Variants in CDH13 observed in about 807,000 individuals in gnomAD.
CDH13 encodes cadherin 13.
Under a neutral mutation model 63.8 loss-of-function variants are expected in CDH13, and 24 were observed. The observed-to-expected ratio is 0.38, with a 90% confidence interval of 0.27 to 0.53. The LOEUF (loss-of-function observed/expected upper bound fraction) is 0.53, where lower values mean the gene tolerates loss of function less well. Among genes scored for constraint, CDH13 ranks in the 20% least tolerant of loss-of-function variants. The pLI, the probability that CDH13 is intolerant of heterozygous loss-of-function variation, is 0.85. For missense variants in CDH13, 1,049 were observed against 903.1 expected, an observed-to-expected ratio of 1.16 and a Z score of -2.07; for synonymous variants, 503 against 355.3, an observed-to-expected ratio of 1.42 and a Z score of -4.67.
chr16:82,858,504 A>T (rs1283369434), intron 2 of CDH13, 31 bp downstream of exon 2: 2 of 1,259,530 alleles, frequency 1.6e-6, no homozygotes, highest in Non-Finnish European at 2.3e-6. Context: ...ATGCTTTTAG[A>T]CTCTTCTCAT....
At chr16:83,090,117 A>C (rs1334274116) in intron 3 of CDH13, among the ~76,000 whole-genome samples, 3 of 152,126 alleles carry the variant, frequency 2.0e-5, no homozygotes, top group Non-Finnish European at 4.4e-5. Context: ...AACCCCACCC[A>C]CAAAAGCCTA....
chr16:83,170,052 T>C (rs1449387223), intron 4 of CDH13, among the ~76,000 whole-genome samples: 2 of 152,102 alleles, frequency 1.3e-5, no homozygotes, highest in Non-Finnish European at 2.9e-5. Context: ...ATTCTTTTTC[T>C]GGTTTTGTCA....
chr16:83,412,943 T>G (rs1345709315), intron 6 of CDH13, among the ~76,000 whole-genome samples: 3 of 152,242 alleles, frequency 2.0e-5, no homozygotes, highest in East Asian at 1.9e-4. Flanking sequence ...GTATTACCAT[T>G]AGACGTAATT....
chr16:82,786,550 C>G (rs1279021089), intron 1 of CDH13, among the ~76,000 whole-genome samples: 1 of 148,838 alleles, frequency 6.7e-6, no homozygotes, highest in African/African-American at 2.5e-5. Context: ...TACATGTGCA[C>G]AATGTGCAGG....
chr16:83,310,054 G>A (rs1449437136), intron 5 of CDH13, among the ~76,000 whole-genome samples: 1 of 152,024 alleles, frequency 6.6e-6, no homozygotes, highest in African/African-American at 2.4e-5. Context: ...TAATAATTCC[G>A]ACATACTTCT....
intron 7 of CDH13, among the ~76,000 whole-genome samples, chr16:83,543,278 TG>T (rs2075326221): frequency 6.6e-6 from 1 of 152,256 alleles, no homozygotes; most frequent in African/African-American, 2.4e-5. Context: ...TGAACATAGC[TG>T]TCACTCCTCA....
chr16:82,857,806 C>T (rs1223814054), intron 1 of CDH13, among the ~76,000 whole-genome samples: 2 of 151,844 alleles, frequency 1.3e-5, no homozygotes, highest in Admixed American at 6.6e-5. Flanking sequence ...CATTGAAATC[C>T]AGTGTGTATT....
At chr16:82,867,786 T>C (rs1322248869) in intron 2 of CDH13, among the ~76,000 whole-genome samples, 2 of 152,220 alleles carry the variant, frequency 1.3e-5, no homozygotes, top group African/African-American at 4.8e-5. Context: ...AAAGGCTCTT[T>C]TGACCCTGCT....
At chr16:83,486,854 C>T (rs912753867) in intron 7 of CDH13, among the ~76,000 whole-genome samples, 199 bp downstream of exon 7, 2 of 152,114 alleles carry the variant, frequency 1.3e-5, no homozygotes, top group African/African-American at 4.8e-5. Flanking sequence ...CTCTAAAAGG[C>T]TAAAGCGCCT....
chr16:83,714,586 G>C lies in CDH13; in HGVS notation c.1539-33522G>C, dbSNP rs868248114. Among the ~76,000 whole-genome samples the C allele has an allele frequency of 3.3e-5, 5 of 152,212 alleles. No homozygotes were observed. The South Asian group carries it at 6.2e-4, about 19-fold the overall frequency. The stretch of plus-strand genomic sequence containing the variant: ...GCTAAAGACTTTTACCTATTGACTT[G>C]GATTCTCAGCTATCAGTAGGAGGGA... On this transcript the variant is annotated intron_variant, in intron 10 of 13. Coordinates refer to ENST00000567109, the MANE Select transcript of CDH13 (RefSeq NM_001257.5).
chr16:83,750,245 G>A (rs148874591), intron 11 of CDH13, among the ~76,000 whole-genome samples: 3,713 of 152,078 alleles, frequency 0.024, 85 homozygotes, highest in African/African-American at 0.057. Context: ...GCAGTGAGCC[G>A]AGATTATGCC....
chr16:83,606,614 C>G (rs1258922081), intron 8 of CDH13, among the ~76,000 whole-genome samples: 1 of 151,662 alleles, frequency 6.6e-6, no homozygotes, highest in African/African-American at 2.4e-5. Context: ...GTAGTCCCAG[C>G]TACCTGGGAG....
At chr16:83,294,912 T>G (rs930162130) in intron 5 of CDH13, among the ~76,000 whole-genome samples, 2 of 151,970 alleles carry the variant, frequency 1.3e-5, no homozygotes, top group Admixed American at 6.6e-5. Flanking sequence ...CAAAAGACCA[T>G]GGATAGCCAA....
intron 8 of CDH13, among the ~76,000 whole-genome samples, chr16:83,631,636 C>G (rs1485639449): frequency 6.6e-6 from 1 of 152,010 alleles, no homozygotes; most frequent in Non-Finnish European, 1.5e-5. Context: ...CTCCAGGATG[C>G]GCCAACGAGA....
intron 6 of CDH13, among the ~76,000 whole-genome samples, chr16:83,359,234 C>A (rs887184704): frequency 6.6e-6 from 1 of 152,146 alleles, no homozygotes; most frequent in Non-Finnish European, 1.5e-5. Context: ...TATGTTTCCA[C>A]TGTGATTATG....
chr16:83,341,992 CACA>C (rs1567604407), intron 5 of CDH13, among the ~76,000 whole-genome samples: 9 of 97,218 alleles, frequency 9.3e-5, no homozygotes, highest in Non-Finnish European at 1.5e-4. Flanking sequence ...TCCCCTGCCA[CACA>C]CACACACACA....
rs544108641 is a variant in CDH13 at position 83,342,617 on chromosome 16, T to C, written c.637-2245T>C. Among the ~76,000 whole-genome samples, 24 of 152,336 alleles carry C rather than the reference T, an allele frequency of 1.6e-4. 2 individuals are homozygous for C. Among genetic ancestry groups the C allele is most frequent in the African/African-American group, 5.3e-4 (22 of 41,598 alleles). ...TCAGCTCCACATTCTGTATTCATCC[T>C]AATCAATGGTGTCTCCTTAGTTTCT... is the stretch of plus-strand genomic sequence containing the variant. On this transcript the variant is annotated intron_variant, in intron 5 of 13. Coordinates refer to ENST00000567109, the MANE Select transcript of CDH13 (RefSeq NM_001257.5).
At chr16:83,059,789 G>GTTTTTTTTTTT (rs1256608391) in intron 3 of CDH13, among the ~76,000 whole-genome samples, 2 of 98,750 alleles carry the variant, frequency 2.0e-5, no homozygotes, top group African/African-American at 3.8e-5. Flanking sequence ...TTTTTTTTTT[G>GTTTTTTTTTTT]TTTGTTTTTT....
intron 6 of CDH13, among the ~76,000 whole-genome samples, chr16:83,364,076 G>C (rs542249506): frequency 6.6e-6 from 1 of 152,254 alleles, no homozygotes; most frequent in Non-Finnish European, 1.5e-5. Context: ...AATGTTTACC[G>C]AATGAATTAA....
Sources: gnomAD v4.1 joint callset for allele counts (sites outside exome capture counted in the v4.1 genomes callset) on GRCh38, gnomAD v4.1.1 for gene constraint, MANE v1.5 for transcripts, NCBI Gene and HGNC (gene_info 2026-07-23, HGNC 2026-07-21) for gene names.